SCAF4: variants seen among roughly 807,000 people sequenced by gnomAD.
SCAF4 encodes SR-related CTD associated factor 4.
Under a neutral mutation model 129.8 loss-of-function variants are expected in SCAF4, and 25 were observed. That is an observed-to-expected ratio of 0.19 (90% CI 0.14 to 0.27). The LOEUF (loss-of-function observed/expected upper bound fraction) is 0.27, where lower values mean the gene tolerates loss of function less well. SCAF4 is among the 10% of genes least tolerant of loss of function. The pLI, the probability that SCAF4 is intolerant of heterozygous loss-of-function variation, is 1.00. For synonymous variants in SCAF4, 551 were observed against 497.7 expected, an observed-to-expected ratio of 1.11 and a Z score of -1.43; for missense variants, 1,246 against 1,457.1, an observed-to-expected ratio of 0.86 and a Z score of 2.36.
chr21:31,704,175 C>G (rs2050599777), intron 3 of SCAF4, among the ~76,000 whole-genome samples: 1 of 152,090 alleles, frequency 6.6e-6, no homozygotes, highest in Non-Finnish European at 1.5e-5. Flanking sequence ...CTTCCCTACA[C>G]CCAATGTCCC....
In SCAF4 at chr21:31,672,025, T is replaced by C. The variant is rs1174282045; in HGVS notation, c.2818A>G (p.Arg940Gly). 6.2e-7 allele frequency: 1 copy of C among 1,613,272 alleles called. No homozygotes were observed. The highest frequency in any genetic ancestry group is 1.7e-5 in the Admixed American group (1 of 59,978). Residue 940 changes from arginine to glycine, a missense_variant, in exon 20 of 20, where the codon AGG becomes GGG. This residue lies in a region of SCAF4 where 339 missense variants were observed against 325.0 expected (regional missense o/e 1.04). Transcript: ENST00000286835. ...GPGGPEDRDG[R>G]QQPPQQPQQQ... ...TGTGGCTGCTGCGGCGGCTGTTGCC[T>C]TCCGTCTCTGTCTTCAGGACCCCCT...
At position 31,685,613 on chromosome 21, in the gene SCAF4, G is replaced by C. The variant is rs866741788; in HGVS notation, c.2164C>G (p.Pro722Ala). The change falls in exon 17 of 20, where the codon CCA becomes GCA. Residue 722 changes from proline (P) to alanine (A), a missense_variant. Pro to Ala is a conservative substitution (Grantham distance 27). Around this residue, in one of 6 missense-constraint regions of SCAF4, gnomAD observed 468 missense variants for 605.5 expected, o/e 0.77. Coordinates refer to ENST00000286835, the MANE Select transcript of SCAF4 (RefSeq NM_020706.2). ...GPGVPPPPPPPPFLRPGFNPM... is the reference protein window; with the variant it reads ...GPGVPPPPPPAPFLRPGFNPM... The stretch of plus-strand genomic sequence containing the variant: ...TTGAATCCTGGGCGCAAAAATGGTG[G>C]AGGAGGAGGGGGAGGAGGAACACCA... 1 of 1,614,112 alleles carries C rather than the reference G, an allele frequency of 6.2e-7. No homozygotes were observed. The highest frequency in any genetic ancestry group is 1.7e-4 in the Middle Eastern group (1 of 6,060).
At chr21:31,674,287 C>A (rs2049792382) in intron 19 of SCAF4, among the ~76,000 whole-genome samples, 1 of 152,188 alleles carries the variant, frequency 6.6e-6, no homozygotes, top group African/African-American at 2.4e-5. Context: ...TTACAATAAT[C>A]ATATAAACCT....
chr21:31,689,860 G>A (rs778804404), intron 15 of SCAF4, among the ~76,000 whole-genome samples: 10 of 151,872 alleles, frequency 6.6e-5, no homozygotes, highest in Non-Finnish European at 1.5e-4. Flanking sequence ...ACTGGAACCC[G>A]GGAGGCACAG....
At chr21:31,690,714 A>C in intron 15 of SCAF4, 83 bp downstream of exon 15, 1 of 1,272,934 alleles carries the variant, frequency 7.9e-7, no homozygotes, top group South Asian at 1.6e-5. Context: ...TCACGTCCTA[A>C]TGCAAGGAAC....
chr21:31,715,003 T>C (rs1002266633), intron 1 of SCAF4, among the ~76,000 whole-genome samples: 2 of 152,260 alleles, frequency 1.3e-5, no homozygotes, highest in Non-Finnish European at 2.9e-5. Flanking sequence ...AGTCCTGCAC[T>C]GTGAATTGGC....
At position 31,694,851 on chromosome 21, in the gene SCAF4, C is replaced by T; in HGVS notation, c.1198G>A (p.Ala400Thr). ...VQQPFQASFQ[A>T]QNEPLTQKPH... The stretch of plus-strand genomic sequence containing the variant: ...TTCTGTGTAAGTGGTTCATTTTGTG[C>T]CTGAAAAGAAGCTTGGAAAGGCTGC... The change falls in exon 10 of 20, where the codon GCA (alanine) becomes ACA (threonine). Residue 400 changes from alanine (A) to threonine (T), a missense_variant. Transcript: ENST00000286835. 6.2e-7 allele frequency: 1 copy of T among 1,614,034 alleles called. No individual in the cohort carries two copies. The highest frequency in any genetic ancestry group is 8.5e-7 in the Non-Finnish European group (1 of 1,179,984).
chr21:31,696,188 T>G lies in SCAF4; in HGVS notation c.993A>C (p.Ala331=). The change falls in exon 9 of 20, where the codon GCA becomes GCC. Residue 331 remains alanine, a synonymous_variant. Transcript: ENST00000286835. ...GFPGDGMQQP[A]YTQHQNMDQF... ...GATCCATATTTTGATGCTGTGTGTA[T>G]GCTGGCTGCTGCATGCCATCTCCAG... The G allele has an allele frequency of 6.2e-7, 1 of 1,614,060 alleles. No individual in the cohort carries two copies. The highest frequency in any genetic ancestry group is 1.3e-5 in the African/African-American group (1 of 75,030).
chr21:31,674,722 A>G (rs2049806120), intron 19 of SCAF4, among the ~76,000 whole-genome samples: 1 of 152,206 alleles, frequency 6.6e-6, no homozygotes, highest in Non-Finnish European at 1.5e-5. Flanking sequence ...AGGGCATTCA[A>G]AGCAATTGTT....
intron 7 of SCAF4, among the ~76,000 whole-genome samples, chr21:31,699,542 C>CA (rs1168912486): frequency 6.7e-6 from 1 of 148,434 alleles, no homozygotes; most frequent in Non-Finnish European, 1.5e-5. Flanking sequence ...CCTTTTTACT[C>CA]AAAAAAATGT....
chr21:31,723,061 G>A (rs1191182633), intron 1 of SCAF4, among the ~76,000 whole-genome samples: 1 of 152,218 alleles, frequency 6.6e-6, no homozygotes, highest in Non-Finnish European at 1.5e-5. Context: ...ACAGTATGAT[G>A]TTTAAAACTT....
intron 19 of SCAF4, among the ~76,000 whole-genome samples, chr21:31,680,935 C>T (rs1438274973): frequency 2.0e-5 from 3 of 152,162 alleles, no homozygotes; most frequent in East Asian, 1.9e-4. Flanking sequence ...AAAACATTTG[C>T]GCTTGTTTAA....
intron 1 of SCAF4, among the ~76,000 whole-genome samples, chr21:31,708,583 G>C (rs1387498317): frequency 6.6e-6 from 1 of 151,962 alleles, no homozygotes; most frequent in East Asian, 1.9e-4. Flanking sequence ...GCTTATTATT[G>C]TTCTATTTTC....
chr21:31,696,119 G>C lies in SCAF4; in HGVS notation c.1062C>G (p.His354Gln). 6.2e-7 allele frequency: 1 copy of C among 1,607,916 alleles called. No individual in the cohort carries two copies. Among genetic ancestry groups the C allele is most frequent in the Non-Finnish European group, 8.5e-7 (1 of 1,174,730 alleles). The change falls in exon 9 of 20, where the codon CAC becomes CAG. Residue 354 changes from histidine (H) to glutamine (Q), a missense_variant. By Grantham distance (24) the His-to-Gln change is conservative. This residue lies in a region of SCAF4 where 236 missense variants were observed against 210.0 expected (regional missense o/e 1.12). Coordinates refer to ENST00000286835, the MANE Select transcript of SCAF4 (RefSeq NM_020706.2). ...RMMGIQQDPM[H>Q]HQVPLPPNGQ... ...GCAAGAAAAATGCTTGTACCTGATG[G>C]TGCATTGGATCCTGTTGTATTCCCA...
chr21:31,696,803 C>CA lies in SCAF4; in HGVS notation c.778-54dup, dbSNP rs2123557934. The CA allele has an allele frequency of 1.5e-5, 22 of 1,452,768 alleles. No homozygotes were observed. In the South Asian group the frequency reaches 2.3e-4, roughly 15 times the overall value. 90.0% of individuals were successfully genotyped at this position (1,452,768 alleles called of 1,614,324 possible). A position where few individuals can be genotyped will look rare whatever the true frequency, so the allele number is the denominator to read the frequency against. On this transcript the variant is annotated intron_variant, in intron 7 of 19. Coordinates refer to ENST00000286835, the MANE Select transcript of SCAF4 (RefSeq NM_020706.2). The stretch of plus-strand genomic sequence containing the variant: ...TTAAAATTTAGACTGATTCACTGCA[C>CA]AAAAAACTTTATGAAAACAAGGGAT...
rs993817586 is a variant in SCAF4 at position 31,721,726 on chromosome 21, T to C, written c.30+9937A>G. Among the ~76,000 whole-genome samples, 486 of 91,506 alleles carry C rather than the reference T, an allele frequency of 5.3e-3. 3 individuals are homozygous for C. The highest frequency in any genetic ancestry group is 0.016 in the African/African-American group (443 of 27,136). 60.0% of individuals were successfully genotyped at this position (91,506 alleles called of 152,430 possible). A position where few individuals can be genotyped will look rare whatever the true frequency, so the allele number is the denominator to read the frequency against. On this transcript the variant is annotated intron_variant, in intron 1 of 19. Coordinates refer to ENST00000286835, the MANE Select transcript of SCAF4 (RefSeq NM_020706.2). ...TATTAACATCAAGCAAGAGCAATTCTTTTTTTTTTTTTTTTTTTGAGATGG... is the reference window on the plus strand; with the variant it reads ...TATTAACATCAAGCAAGAGCAATTCCTTTTTTTTTTTTTTTTTTGAGATGG...
intron 1 of SCAF4, 81 bp downstream of exon 1, chr21:31,731,582 C>G (rs2051360375): frequency 6.6e-7 from 1 of 1,516,296 alleles, no homozygotes; most frequent in East Asian, 2.5e-5. Flanking sequence ...CGGACCAAAG[C>G]TTTAAACCTC....
At chr21:31,697,556 G>A (rs1416401779) in intron 7 of SCAF4, among the ~76,000 whole-genome samples, 1 of 152,202 alleles carries the variant, frequency 6.6e-6, no homozygotes, top group Admixed American at 6.5e-5. Flanking sequence ...GGTAGAATCA[G>A]GATGCGGACA....
At chr21:31,677,060 T>C (rs185896259) in intron 19 of SCAF4, among the ~76,000 whole-genome samples, 254 of 152,288 alleles carry the variant, frequency 1.7e-3, no homozygotes, top group African/African-American at 5.7e-3. Flanking sequence ...GATATGAATA[T>C]ACCATATTTT....
Sources: gnomAD v4.1 joint callset for allele counts (sites outside exome capture counted in the v4.1 genomes callset) on GRCh38, gnomAD v4.1.1 for gene constraint, gnomAD v4.1.1 regional missense constraint, MANE v1.5 for transcripts, NCBI Gene and HGNC (gene_info 2026-07-23, HGNC 2026-07-21) for gene names.